AOPEP: variants seen among roughly 807,000 people sequenced by gnomAD.
AOPEP encodes the protein aminopeptidase O.
A neutral mutation model predicts 98.1 loss-of-function variants in AOPEP; 77 were observed. The observed-to-expected ratio is 0.78, with a 90% CI of 0.65 to 0.95. AOPEP has a LOEUF of 0.95. Ranked by LOEUF, AOPEP falls within the 40% of genes least tolerant of loss-of-function variation. AOPEP has a pLI of 0.00. For synonymous variants in AOPEP, 346 were observed against 365.3 expected (o/e 0.95, Z 0.60); for missense variants, 1,024 against 1,024.7 (o/e 1.00, Z 0.01).
intron 7 of AOPEP, among the ~76,000 whole-genome samples, chr9:94,931,441 C>T (rs531315872): frequency 1.3e-5 from 2 of 152,144 alleles, no homozygotes; most frequent in East Asian, 1.9e-4. Flanking sequence ...GAAATGTTTC[C>T]GAACCTGCCC....
chr9:95,066,879 C>T (rs769653995), intron 14 of AOPEP, among the ~76,000 whole-genome samples: 15 of 152,272 alleles, frequency 9.9e-5, no homozygotes, highest in Non-Finnish European at 1.6e-4. Flanking sequence ...ATTGGTGCTT[C>T]TGGGTTCTTT....
At chr9:95,134,430 C>G in the AOPEP span, among the ~76,000 whole-genome samples, 1 of 152,156 alleles carries the variant, frequency 6.6e-6, no homozygotes, top group Non-Finnish European at 1.5e-5. Flanking sequence ...GTCCCGGCCA[C>G]TAACTAAAGA....
downstream of AOPEP, among the ~76,000 whole-genome samples, chr9:95,090,329 G>A (rs898476651): frequency 1.3e-5 from 2 of 152,254 alleles, no homozygotes; most frequent in Non-Finnish European, 2.9e-5. Context: ...TTCCCCCTGA[G>A]GCCGCAGAGA....
chr9:94,911,069 T>C (rs1442725227), intron 5 of AOPEP, among the ~76,000 whole-genome samples: 2 of 152,106 alleles, frequency 1.3e-5, no homozygotes, highest in African/African-American at 4.8e-5. Flanking sequence ...TTAGAAACAA[T>C]TGATAGAGAT....
In AOPEP at chr9:95,008,395, G is replaced by A. The variant is rs114207888; in HGVS notation, c.2115+2779G>A. ...CTGACCTGCCCGGGAAAGGAAAACA[G>A]TGCTCTAGTGAGAGGACGGACTCTG... On this transcript the variant is annotated intron_variant, in intron 13 of 16. Transcript: ENST00000375315. Among the ~76,000 whole-genome samples the A allele has an allele frequency of 2.4e-3, 358 of 152,334 alleles. 2 individuals carry two copies. Among genetic ancestry groups the A allele is most frequent in the African/African-American group, 8.3e-3 (346 of 41,566 alleles).
chr9:94,915,956 A>G (rs540068315), intron 5 of AOPEP, among the ~76,000 whole-genome samples: 10 of 152,192 alleles, frequency 6.6e-5, no homozygotes, highest in East Asian at 1.9e-4. Flanking sequence ...GCAGTCACCA[A>G]ACTGTCCTTG....
At chr9:94,769,178 A>C (rs1026317101) in intron 2 of AOPEP, among the ~76,000 whole-genome samples, 41 of 152,296 alleles carry the variant, frequency 2.7e-4, no homozygotes, top group African/African-American at 9.6e-4. Context: ...CCCATCCTAA[A>C]TTTGCTGGTA....
chr9:94,949,452 C>T (rs1328697291), intron 7 of AOPEP, among the ~76,000 whole-genome samples: 1 of 152,154 alleles, frequency 6.6e-6, no homozygotes, highest in Admixed American at 6.5e-5. Flanking sequence ...CAGAATAAAC[C>T]TTGTTTATTT....
intron 15 of AOPEP, among the ~76,000 whole-genome samples, chr9:95,082,306 C>T (rs2134247315): frequency 6.6e-6 from 1 of 152,330 alleles, no homozygotes; most frequent in East Asian, 1.9e-4. Context: ...AATGCCTGCT[C>T]ATCGTTCTGT....
At chr9:94,848,312 C>T (rs1309894469) in intron 5 of AOPEP, among the ~76,000 whole-genome samples, 1 of 151,972 alleles carries the variant, frequency 6.6e-6, no homozygotes, top group East Asian at 1.9e-4. Context: ...ATTAGCAGGG[C>T]ATGGTGGCAG....
chr9:94,957,642 G>A (rs1357376523), intron 9 of AOPEP, among the ~76,000 whole-genome samples: 1 of 152,118 alleles, frequency 6.6e-6, no homozygotes, highest in East Asian at 1.9e-4. Context: ...TTGTTCAACC[G>A]TCATCATTAT....
Position 95,043,030 on chromosome 9 carries a change from T to C in AOPEP, c.2116-17664T>C, listed in dbSNP as rs1255340458. 2.6e-5 allele frequency among the ~76,000 whole-genome samples: 4 copies of C among 151,994 alleles called. No homozygotes were observed. In the East Asian group the frequency reaches 5.8e-4, roughly 22 times the overall value. ...GCCCATACCTGTAATGTCAGCACTT[T>C]GGGAGATCAAGGCAAGAGGATCTCT... is the stretch of plus-strand genomic sequence containing the variant. On this transcript the variant is annotated intron_variant, in intron 13 of 16. Coordinates refer to ENST00000375315, the MANE Select transcript of AOPEP (RefSeq NM_001193329.3).
intron 5 of AOPEP, among the ~76,000 whole-genome samples, chr9:94,883,288 G>GA (rs35838420): frequency 2.6e-5 from 4 of 152,136 alleles, no homozygotes; most frequent in African/African-American, 9.6e-5. Flanking sequence ...ATTGAGCAAG[G>GA]AAAAAAATGA....
chr9:95,023,952 C>T (rs1020402952), intron 13 of AOPEP, among the ~76,000 whole-genome samples: 5 of 152,202 alleles, frequency 3.3e-5, no homozygotes, highest in Non-Finnish European at 2.9e-5. Context: ...TAAGCCATAA[C>T]ATTACTTGAT....
chr9:95,005,389 G>A (rs1440736609), intron 12 of AOPEP, among the ~76,000 whole-genome samples, 153 bp from the exon 13 acceptor site: 1 of 151,544 alleles, frequency 6.6e-6, no homozygotes, highest in Non-Finnish European at 1.5e-5. Flanking sequence ...CTGCGGTGAG[G>A]CGCCCGGCGA....
At chr9:95,127,343 T>C in the AOPEP span, 1 of 152,250 alleles carries the variant, frequency 6.6e-6, no homozygotes, top group East Asian at 1.9e-4. Context: ...AAACAGATCC[T>C]TTATAGCAGG....
chr9:94,941,199 A>G (rs1376040221), intron 7 of AOPEP, among the ~76,000 whole-genome samples: 1 of 152,188 alleles, frequency 6.6e-6, no homozygotes, highest in Non-Finnish European at 1.5e-5. Context: ...TCTTCTCTGT[A>G]AAGCTCCTCT....
intron 13 of AOPEP, among the ~76,000 whole-genome samples, chr9:95,013,550 TG>T (rs2062739880): frequency 6.6e-6 from 1 of 152,210 alleles, no homozygotes; most frequent in Non-Finnish European, 1.5e-5. Context: ...CATACTATGC[TG>T]TACCCTTTAT....
chr9:94,760,884 G>A (rs1217096984), intron 2 of AOPEP, among the ~76,000 whole-genome samples: 1 of 152,196 alleles, frequency 6.6e-6, no homozygotes, highest in African/African-American at 2.4e-5. Context: ...TGAGATCTCT[G>A]CTGGTGACTT....
Sources: gnomAD v4.1 joint callset for allele counts (sites outside exome capture counted in the v4.1 genomes callset) on GRCh38, gnomAD v4.1.1 for gene constraint, MANE v1.5 for transcripts, NCBI Gene and HGNC (gene_info 2026-07-23, HGNC 2026-07-21) for gene names.